CSMD1: variants seen among roughly 807,000 people sequenced by gnomAD.
CSMD1 encodes the protein CUB and Sushi multiple domains 1.
In CSMD1, 213 loss-of-function variants were observed where a neutral mutation model predicts 417.5. That is an observed-to-expected ratio of 0.51 (90% CI 0.46 to 0.57). The LOEUF is 0.57. Ranked by LOEUF, CSMD1 falls within the 20% of genes least tolerant of loss-of-function variation. The probability of loss-of-function intolerance (pLI) is 0.00; values close to 1 mark genes in which losing one functional copy is unlikely to be tolerated. For synonymous variants in CSMD1, 2,862 were observed against 1,736.8 expected (o/e 1.65, Z -16.11); for missense variants, 6,923 against 4,529.7 (o/e 1.53, Z -15.17).
chr8:4,693,704 T>C (rs954850784), intron 1 of CSMD1, among the ~76,000 whole-genome samples: 2 of 143,182 alleles, frequency 1.4e-5, no homozygotes, highest in Admixed American at 1.4e-4. Context: ...CTCCCTACGC[T>C]TCCCAGGCTG....
chr8:4,827,638 G>A (rs770502708), intron 1 of CSMD1, among the ~76,000 whole-genome samples: 1 of 152,080 alleles, frequency 6.6e-6, no homozygotes, highest in Non-Finnish European at 1.5e-5. Flanking sequence ...TAAGTCTTTA[G>A]GAATTCCCAG....
At chr8:4,926,285 T>A (rs1010048423) in intron 1 of CSMD1, among the ~76,000 whole-genome samples, 5 of 152,178 alleles carry the variant, frequency 3.3e-5, no homozygotes, top group African/African-American at 1.2e-4. Context: ...AACATGAATT[T>A]TTTTTGGTTC....
At chr8:4,925,776 T>C (rs1044574607) in intron 1 of CSMD1, among the ~76,000 whole-genome samples, 1 of 152,174 alleles carries the variant, frequency 6.6e-6, no homozygotes, top group Non-Finnish European at 1.5e-5. Flanking sequence ...CTCAAACTCC[T>C]GACCTCGTGA....
chr8:3,155,420 T>G (rs1420596840), intron 39 of CSMD1, among the ~76,000 whole-genome samples: 2 of 130,740 alleles, frequency 1.5e-5, no homozygotes, highest in Non-Finnish European at 1.6e-5. Flanking sequence ...CAGGATGGAG[T>G]GCAGTGGCGC....
At chr8:3,987,417 G>A (rs1385132422) in intron 5 of CSMD1, among the ~76,000 whole-genome samples, 1 of 152,172 alleles carries the variant, frequency 6.6e-6, no homozygotes, top group Non-Finnish European at 1.5e-5. Flanking sequence ...GGGGTTGTCT[G>A]TCTCCGTTCC....
intron 10 of CSMD1, among the ~76,000 whole-genome samples, chr8:3,535,053 G>C (rs1324372941): frequency 1.3e-5 from 2 of 152,140 alleles, no homozygotes; most frequent in African/African-American, 2.4e-5. Context: ...GCTTAAGCCA[G>C]TCTCCTGCCT....
intron 7 of CSMD1, among the ~76,000 whole-genome samples, chr8:3,643,671 A>C (rs1005900537): frequency 2.3e-4 from 32 of 137,966 alleles, no homozygotes; most frequent in Non-Finnish European, 3.3e-4. Context: ...ACTGCACCCC[A>C]GCCTGGGCGA....
At chr8:4,251,944 G>A (rs1222336395) in intron 3 of CSMD1, among the ~76,000 whole-genome samples, 1 of 151,804 alleles carries the variant, frequency 6.6e-6, no homozygotes, top group Non-Finnish European at 1.5e-5. Flanking sequence ...AAAGAGAGTA[G>A]AGGGGAAGAA....
intron 50 of CSMD1, among the ~76,000 whole-genome samples, chr8:3,048,810 GA>G (rs761834195): frequency 4.0e-5 from 6 of 150,888 alleles, no homozygotes; most frequent in Non-Finnish European, 8.8e-5. Context: ...CACAGACTAG[GA>G]AAAAAGGGTT....
intron 2 of CSMD1, among the ~76,000 whole-genome samples, chr8:4,533,154 C>G (rs1563263401): frequency 1.3e-5 from 2 of 152,220 alleles, no homozygotes; most frequent in South Asian, 4.1e-4. Context: ...TTTCACCCAG[C>G]TAATGTTTTC....
rs115913428 is a variant in CSMD1, at chr8:3,800,559, T to C, written c.819-46517A>G. ...TCATAGAGGTATGCAATGGCTTGGA[T>C]ATGGTTGTCTCCACCAAAACCAATG... On this transcript the variant is annotated intron_variant, in intron 5 of 69. Coordinates refer to ENST00000635120, the MANE Select transcript of CSMD1 (RefSeq NM_033225.6). Among the ~76,000 whole-genome samples, 571 of 152,220 alleles carry C rather than the reference T, an allele frequency of 3.8e-3. 1 individual carries two copies. The highest frequency in any genetic ancestry group is 0.012 in the African/African-American group (503 of 41,542).
rs750818272 is a variant in CSMD1 at position 4,732,344 on chromosome 8, C to CGTGTGTGTGTGTGTGTGT, written c.86-94804_86-94787dup. Reference sequence around the variant, plus strand: ...AGTTAATAGATTTAAATTTCTTCTGCGTGTGTGTGTGTGTGTGTGTGTGTG... The same window carrying CGTGTGTGTGTGTGTGTGT: ...AGTTAATAGATTTAAATTTCTTCTGCGTGTGTGTGTGTGTGTGTGTGTGTGTGTGTGTGTGTGTGTGTG... On this transcript the variant is annotated intron_variant, in intron 1 of 69. Coordinates refer to ENST00000635120, the MANE Select transcript of CSMD1 (RefSeq NM_033225.6). Among the ~76,000 whole-genome samples, 82 of 141,140 alleles carry CGTGTGTGTGTGTGTGTGT rather than the reference C, an allele frequency of 5.8e-4. 1 individual carries two copies. The highest frequency in any genetic ancestry group is 9.3e-4 in the Non-Finnish European group (61 of 65,454). The allele number at this position is 141,140 out of a possible 152,430, so 92.6% of individuals were successfully genotyped here. A position where few individuals can be genotyped will look rare whatever the true frequency, so the allele number is the denominator to read the frequency against.
chr8:3,958,318 CTCT>C (rs1168041634), intron 5 of CSMD1, among the ~76,000 whole-genome samples: 2 of 15,738 alleles, frequency 1.3e-4, no homozygotes, highest in Admixed American at 6.3e-4. Context: ...TTTAAACTCT[CTCT>C]TTTTTTTTTT....
intron 10 of CSMD1, among the ~76,000 whole-genome samples, chr8:3,512,958 A>T (rs7840695): frequency 6.6e-6 from 1 of 151,808 alleles, no homozygotes; most frequent in African/African-American, 2.4e-5. Context: ...CACAGATAGC[A>T]AAAATATAGA....
chr8:3,690,111 C>A (rs1287103836), intron 7 of CSMD1, among the ~76,000 whole-genome samples: 2 of 152,202 alleles, frequency 1.3e-5, no homozygotes, highest in Non-Finnish European at 2.9e-5. Flanking sequence ...GTAATCCCAG[C>A]ACTTTAGGAG....
chr8:4,794,544 C>G (rs557658305), intron 1 of CSMD1, among the ~76,000 whole-genome samples: 1 of 152,140 alleles, frequency 6.6e-6, no homozygotes, highest in Non-Finnish European at 1.5e-5. Context: ...CTCTCCCTCC[C>G]CCACGTCCAC....
At chr8:4,577,330 C>T (rs188315428) in intron 2 of CSMD1, among the ~76,000 whole-genome samples, 1 of 152,136 alleles carries the variant, frequency 6.6e-6, no homozygotes, top group African/African-American at 2.4e-5. Context: ...AATGATGCCC[C>T]AAAATATTTA....
At chr8:3,927,668 C>A (rs1253404479) in intron 5 of CSMD1, among the ~76,000 whole-genome samples, 3 of 152,026 alleles carry the variant, frequency 2.0e-5, no homozygotes, top group Non-Finnish European at 4.4e-5. Context: ...AGTGAAACTT[C>A]ATCTCAAAAT....
At chr8:4,006,613 C>G (rs563885874) in intron 4 of CSMD1, among the ~76,000 whole-genome samples, 1 of 152,252 alleles carries the variant, frequency 6.6e-6, no homozygotes, top group African/African-American at 2.4e-5. Context: ...GATCCTTCCC[C>G]TTGTCAAATC....
Sources: gnomAD v4.1 joint callset for allele counts (sites outside exome capture counted in the v4.1 genomes callset) on GRCh38, gnomAD v4.1.1 for gene constraint, MANE v1.5 for transcripts, NCBI Gene and HGNC (gene_info 2026-07-23, HGNC 2026-07-21) for gene names.